The following IL23R variants were observed in gnomAD, a reference collection of about 807,000 sequenced individuals.
The protein encoded by IL23R is interleukin 23 receptor.
A neutral mutation model predicts 56.9 loss-of-function variants in IL23R; 34 were observed. The ratio of observed to expected loss-of-function variants is 0.60; its 90% CI spans 0.45 to 0.80. IL23R has a LOEUF of 0.80. IL23R is among the 30% of genes least tolerant of loss of function. IL23R has a pLI of 0.00. For missense variants in IL23R, 635 were observed against 730.0 expected, an observed-to-expected ratio of 0.87 and a Z score of 1.50; for synonymous variants, 230 against 249.2, an observed-to-expected ratio of 0.92 and a Z score of 0.73.
intron 9 of IL23R, among the ~76,000 whole-genome samples, chr1:67,248,187 G>A (rs1271246512): frequency 1.3e-5 from 2 of 152,098 alleles, no homozygotes; most frequent in South Asian, 2.1e-4. Context: ...AAGTTCTCCT[G>A]GATAATATCC....
intron 6 of IL23R, among the ~76,000 whole-genome samples, chr1:67,219,094 C>T (rs1178731491): frequency 1.2e-4 from 18 of 150,702 alleles, no homozygotes; most frequent in Admixed American, 7.3e-4. Flanking sequence ...GGGCTGGGCA[C>T]GGTGGCTCAC....
intron 10 of IL23R, among the ~76,000 whole-genome samples, chr1:67,256,580 A>G (rs188290139): frequency 3.3e-5 from 5 of 152,306 alleles, no homozygotes; most frequent in Admixed American, 6.5e-5. Flanking sequence ...ACCCAGTCCA[A>G]GGGACAAACA....
chr1:67,145,505 C>T (rs1335521537), intron 1 of IL23R, among the ~76,000 whole-genome samples: 1 of 152,154 alleles, frequency 6.6e-6, no homozygotes, highest in Non-Finnish European at 1.5e-5. Context: ...CCTCTTCCCA[C>T]CTCTTTTCTG....
intron 7 of IL23R, among the ~76,000 whole-genome samples, chr1:67,227,309 A>T (rs1450639598): frequency 6.6e-6 from 1 of 152,262 alleles, no homozygotes; most frequent in Admixed American, 6.5e-5. Flanking sequence ...CACAGGTTCT[A>T]TAATTCCTTT....
At chr1:67,144,177 G>T (rs1346253141) in intron 1 of IL23R, among the ~76,000 whole-genome samples, 1 of 152,036 alleles carries the variant, frequency 6.6e-6, no homozygotes, top group Admixed American at 6.6e-5. Context: ...TCAACGCTTG[G>T]CTTCTCCTTC....
intron 1 of IL23R, among the ~76,000 whole-genome samples, chr1:67,151,186 T>C (rs758573216): frequency 5.9e-5 from 9 of 152,240 alleles, no homozygotes; most frequent in Non-Finnish European, 1.3e-4. Flanking sequence ...GGTTTTGATT[T>C]GCATTTCTCT....
At chr1:67,184,687 C>A (rs1647233124) in intron 4 of IL23R, among the ~76,000 whole-genome samples, 1 of 151,428 alleles carries the variant, frequency 6.6e-6, no homozygotes, top group Non-Finnish European at 1.5e-5. Flanking sequence ...TTTCACAAAC[C>A]ATTTTGTAAA....
Position 67,258,683 on chromosome 1 carries a change from C to T in IL23R, c.1445C>T (p.Thr482Ile), listed in dbSNP as rs1188184768. Residue 482 changes from threonine to isoleucine, a missense_variant, in exon 11 of 11, where the codon ACT becomes ATT. Physicochemically the swap from Thr to Ile is moderately conservative, Grantham distance 89 (BLOSUM62 -1). Transcript: ENST00000347310. The stretch of plus-strand genomic sequence containing the variant: ...GTTGTATATATTCCTGATCTCAACA[C>T]TGGATATAAACCCCAAATTTCAAAT... ...TTVVYIPDLN[T>I]GYKPQISNFL... 1.2e-6 allele frequency: 2 copies of T among 1,613,922 alleles called. No individual in the cohort carries two copies. Among genetic ancestry groups the T allele is most frequent in the South Asian group, 2.2e-5 (2 of 91,024 alleles).
At chr1:67,203,087 G>A (rs1319769251) in intron 5 of IL23R, among the ~76,000 whole-genome samples, 1 of 151,998 alleles carries the variant, frequency 6.6e-6, no homozygotes, top group Non-Finnish European at 1.5e-5. Flanking sequence ...CATTTTAGCA[G>A]TGCAATTTTT....
At chr1:67,220,928 G>A (rs1650198472) in intron 7 of IL23R, among the ~76,000 whole-genome samples, 1 of 152,218 alleles carries the variant, frequency 6.6e-6, no homozygotes, top group African/African-American at 2.4e-5. Flanking sequence ...CTTGAACCTG[G>A]GAGGTCGAGA....
intron 4 of IL23R, among the ~76,000 whole-genome samples, chr1:67,194,139 T>C (rs1394234886): frequency 1.3e-5 from 2 of 152,218 alleles, no homozygotes; most frequent in East Asian, 1.9e-4. Context: ...GGCATCCTCA[T>C]ATGTTCAGAT....
chr1:67,202,486 C>A (rs1257304191), intron 5 of IL23R, among the ~76,000 whole-genome samples: 3 of 152,220 alleles, frequency 2.0e-5, no homozygotes, highest in African/African-American at 7.2e-5. Context: ...AATCCTCCCA[C>A]CTCAGCCTCC....
chr1:67,226,156 A>G (rs1323662795), intron 7 of IL23R, among the ~76,000 whole-genome samples: 1 of 152,206 alleles, frequency 6.6e-6, no homozygotes, highest in African/African-American at 2.4e-5. Context: ...CTCCAGCCCC[A>G]CAGTAGCATC....
At chr1:67,207,647 G>A (rs780941433) in intron 6 of IL23R, 8 of 401,316 alleles carry the variant, frequency 2.0e-5, no homozygotes, top group South Asian at 1.5e-4. Context: ...TAAGTAAGAA[G>A]AGCCTTTTGC....
chr1:67,228,268 A>G (rs1645246120), intron 7 of IL23R, among the ~76,000 whole-genome samples: 1 of 146,920 alleles, frequency 6.8e-6, no homozygotes, highest in South Asian at 2.1e-4. Flanking sequence ...ATCTCAGCTC[A>G]TAAGATCTGG....
At chr1:67,186,703 C>G (rs1302114109) in intron 4 of IL23R, among the ~76,000 whole-genome samples, 1 of 151,818 alleles carries the variant, frequency 6.6e-6, no homozygotes, top group Non-Finnish European at 1.5e-5. Context: ...ACTACAACCT[C>G]TGCCTCCTGG....
chr1:67,205,937 C>CTT (rs1558243041), intron 5 of IL23R, among the ~76,000 whole-genome samples: 3 of 122,908 alleles, frequency 2.4e-5, no homozygotes, highest in African/African-American at 5.6e-5. Flanking sequence ...TTCTTTCTTT[C>CTT]TTTCTCTTTT....
intron 3 of IL23R, among the ~76,000 whole-genome samples, chr1:67,170,116 G>T (rs1646924235): frequency 6.6e-6 from 1 of 152,148 alleles, no homozygotes; most frequent in South Asian, 2.1e-4. Context: ...GGTTTAGGGA[G>T]AGTTGCAAAA....
intron 5 of IL23R, among the ~76,000 whole-genome samples, chr1:67,205,710 A>C (rs959645646): frequency 6.6e-6 from 1 of 152,240 alleles, no homozygotes. Flanking sequence ...AAAGCCTTAG[A>C]GTCTTATGAG....
Sources: gnomAD v4.1 joint callset for allele counts (sites outside exome capture counted in the v4.1 genomes callset) on GRCh38, gnomAD v4.1.1 for gene constraint, MANE v1.5 for transcripts, NCBI Gene and HGNC (gene_info 2026-07-23, HGNC 2026-07-21) for gene names.